Variants in WBP4 observed in about 807,000 individuals in gnomAD.
The protein encoded by WBP4 is WW domain-binding protein 4.
A neutral mutation model predicts 55.4 loss-of-function variants in WBP4; 37 were observed. That is an observed-to-expected ratio of 0.67 (90% CI 0.51 to 0.88). The LOEUF (loss-of-function observed/expected upper bound fraction) is 0.88. Ranked by LOEUF, WBP4 falls within the 40% of genes least tolerant of loss-of-function variation. The probability of loss-of-function intolerance (pLI) is 0.00; values close to 1 mark genes in which losing one functional copy is unlikely to be tolerated. For synonymous variants in WBP4, 142 were observed against 140.2 expected (o/e 1.01, Z -0.09); for missense variants, 398 against 420.8 (o/e 0.95, Z 0.47).
chr13:41,070,881 A>G (rs949588436), intron 5 of WBP4, among the ~76,000 whole-genome samples: 7 of 152,300 alleles, frequency 4.6e-5, no homozygotes, highest in Admixed American at 2.0e-4. Flanking sequence ...TGTAATGACT[A>G]TTATCATTAG....
intron 8 of WBP4, 148 bp downstream of exon 8, chr13:41,076,385 TCTC>T: frequency 1.6e-6 from 1 of 634,634 alleles, no homozygotes; most frequent in Non-Finnish European, 2.5e-6. Context: ...TTCAAGCAAT[TCTC>T]CTGCCTCAGC....
intron 1 of WBP4, 32 bp downstream of exon 1, chr13:41,061,707 G>A (rs749715471): frequency 1.2e-6 from 2 of 1,613,840 alleles, no homozygotes; most frequent in Non-Finnish European, 8.5e-7. Flanking sequence ...GAACAACGAG[G>A]TGTTGTTTCT....
intron 4 of WBP4, among the ~76,000 whole-genome samples, chr13:41,067,787 C>T (rs1314006185): frequency 6.6e-6 from 1 of 151,978 alleles, no homozygotes; most frequent in African/African-American, 2.4e-5. Flanking sequence ...AACCCTTTGC[C>T]ATATTTATTG....
chr13:41,078,348 A>G (rs1822700067), intron 8 of WBP4, among the ~76,000 whole-genome samples: 2 of 152,172 alleles, frequency 1.3e-5, no homozygotes, highest in Admixed American at 6.5e-5. Context: ...CATACCTACA[A>G]CCAACTGATC....
At chr13:41,069,750 T>C (rs1878148488) in intron 5 of WBP4, among the ~76,000 whole-genome samples, 1 of 147,388 alleles carries the variant, frequency 6.8e-6, no homozygotes, top group East Asian at 2.0e-4. Context: ...AGGTGGCTCA[T>C]GCCTGTAATC....
At position 41,070,524 on chromosome 13, in the gene WBP4, C is replaced by T. The variant is rs535995880; in HGVS notation, c.440-1003C>T. ...AATGATGGTGCCATTTACTTAGATACGAGATAAGGAACTGAAAATAAGTTT... is the reference window on the plus strand; with the variant it reads ...AATGATGGTGCCATTTACTTAGATATGAGATAAGGAACTGAAAATAAGTTT... On this transcript the variant is annotated intron_variant, in intron 5 of 9. Coordinates refer to ENST00000379487, the MANE Select transcript of WBP4 (RefSeq NM_007187.5). Among the ~76,000 whole-genome samples the T allele has an allele frequency of 3.4e-4, 52 of 151,406 alleles. No homozygotes were observed. The South Asian group carries it at 9.0e-3, about 26-fold the overall frequency.
rs879174051 is a variant in WBP4, at chr13:41,076,268, AATTT to A, written c.756+32_756+35del. The A allele has an allele frequency of 3.1e-4, 406 of 1,320,834 alleles. No homozygotes were observed. In the East Asian group the frequency reaches 6.3e-3, roughly 21 times the overall value. The allele number at this position is 1,320,834 out of a possible 1,614,324, so 81.8% of individuals were successfully genotyped here. On this transcript the variant is annotated intron_variant, in intron 8 of 9. Transcript: ENST00000379487. ...TTTTTAAATTTTACTCTTCACATCA[AATTT>A]TTTTTTTTTTTTTTTTTTTTTTTTT...
chr13:41,071,940 A>T lies in WBP4; in HGVS notation c.486+367A>T, dbSNP rs1235261726. 3.3e-5 allele frequency among the ~76,000 whole-genome samples: 5 copies of T among 150,094 alleles called. No individual in the cohort carries two copies. In the East Asian group the frequency reaches 9.8e-4, roughly 29 times the overall value. On this transcript the variant is annotated intron_variant, in intron 6 of 9. Coordinates refer to ENST00000379487, the MANE Select transcript of WBP4 (RefSeq NM_007187.5). ...TTGCCTGTAATCCCAGCTACTCAGG[A>T]GGCTGAGTCAGGGGAATCACTGGGA...
At position 41,065,251 on chromosome 13, in the gene WBP4, T is replaced by C. The variant is rs1311329708; in HGVS notation, c.226T>C (p.Tyr76His). The change falls in exon 4 of 10, where the codon TAC (tyrosine) becomes CAC (histidine). Residue 76 changes from tyrosine to histidine, a missense_variant. By Grantham distance (83) the Tyr-to-His change is moderately conservative (BLOSUM62 2). Transcript: ENST00000379487. ...AATGGAGGCAGCTGCCCTGAAAGCATACCAAGAGGATTTGAAAAGACTTGG... is the reference window on the plus strand; with the variant it reads ...AATGGAGGCAGCTGCCCTGAAAGCACACCAAGAGGATTTGAAAAGACTTGG... ...AAMEAAALKA[Y>H]QEDLKRLGLE... is the part of the protein sequence containing the mutation. 6.5e-7 allele frequency: 1 copy of C among 1,541,192 alleles called. No homozygotes were observed. Among genetic ancestry groups the C allele is most frequent in the Admixed American group, 1.9e-5 (1 of 53,290 alleles).
rs567307462 is a variant in WBP4, at chr13:41,083,303, G to A, written c.*389G>A. On this transcript the variant is annotated 3_prime_UTR_variant, in exon 10 of 10. Transcript: ENST00000379487. ...ATATTAACTGTTGTCCAACAAATAA[G>A]TATCGGAGTACGTGAGAATATTCCC... 1.7e-5 allele frequency: 3 copies of A among 174,108 alleles called. No individual in the cohort carries two copies. The highest frequency in any genetic ancestry group is 3.7e-5 in the Non-Finnish European group (3 of 80,768). The allele number at this position is 174,108 out of a possible 1,614,324, so 10.8% of individuals were successfully genotyped here.
chr13:41,068,992 C>T (rs1878110736), intron 5 of WBP4, among the ~76,000 whole-genome samples: 2 of 152,214 alleles, frequency 1.3e-5, no homozygotes, highest in African/African-American at 4.8e-5. Flanking sequence ...TATATTTTCT[C>T]AATAGAAACT....
At chr13:41,080,325 G>A (rs1878713544) in intron 8 of WBP4, among the ~76,000 whole-genome samples, 2 of 152,138 alleles carry the variant, frequency 1.3e-5, no homozygotes, top group African/African-American at 4.8e-5. Flanking sequence ...AATTATAAAG[G>A]GAGTCACTGT....
At position 41,069,291 on chromosome 13, in the gene WBP4, GC is replaced by G. The variant is rs1408130188; in HGVS notation, c.439+556del. On this transcript the variant is annotated intron_variant, in intron 5 of 9. Coordinates refer to ENST00000379487, the MANE Select transcript of WBP4 (RefSeq NM_007187.5). ...CCTGTAATCCTAGCACTTTTGAGGG[GC>G]CGAGGAGGGTAGATCACTTGAGGTC... is the stretch of plus-strand genomic sequence containing the variant. Among the ~76,000 whole-genome samples the G allele has an allele frequency of 2.0e-5, 3 of 151,842 alleles. No individual in the cohort carries two copies. The East Asian group carries it at 5.8e-4, about 29-fold the overall frequency.
At chr13:41,069,728 A>G (rs1484620383) in intron 5 of WBP4, among the ~76,000 whole-genome samples, 1 of 129,282 alleles carries the variant, frequency 7.7e-6, no homozygotes, top group Non-Finnish European at 1.7e-5. Context: ...AAAAAAAAAA[A>G]GTAGCCAAGC....
At chr13:41,076,338 G>A (rs1273788432) in intron 8 of WBP4, 101 bp downstream of exon 8, 3 of 949,586 alleles carry the variant, frequency 3.2e-6, no homozygotes, top group Non-Finnish European at 4.4e-6. Context: ...GAGTACAGTG[G>A]CACTGTCTTG....
chr13:41,070,469 G>A (rs976326312), intron 5 of WBP4, among the ~76,000 whole-genome samples: 2 of 151,970 alleles, frequency 1.3e-5, no homozygotes, highest in African/African-American at 4.8e-5. Context: ...CTGGAAGGTA[G>A]ATTGGAGCCA....
chr13:41,068,517 ATAG>A (rs780101086), intron 4 of WBP4, 41 bp from the exon 5 acceptor site: 3 of 1,469,288 alleles, frequency 2.0e-6, no homozygotes, highest in Admixed American at 4.8e-5. Context: ...ACCATAAAAA[ATAG>A]TAGTTACTAT....
In WBP4 at chr13:41,064,403, C is replaced by T. The variant is rs186482867; in HGVS notation, c.76-613C>T. ...GCAGGTATATCTATAGAATAAATTA[C>T]CAGAAATGAAATTGCTGTGTCAAAG... On this transcript the variant is annotated intron_variant, in intron 2 of 9. Coordinates refer to ENST00000379487, the MANE Select transcript of WBP4 (RefSeq NM_007187.5). Among the ~76,000 whole-genome samples the T allele has an allele frequency of 5.9e-5, 9 of 152,098 alleles. No individual in the cohort carries two copies. The East Asian group carries it at 1.2e-3, about 20-fold the overall frequency.
chr13:41,072,357 T>TA (rs1878287619), intron 6 of WBP4, among the ~76,000 whole-genome samples: 1 of 152,214 alleles, frequency 6.6e-6, no homozygotes, highest in African/African-American at 2.4e-5. Flanking sequence ...GACTCACAGT[T>TA]ATGCAGGCTG....
Sources: gnomAD v4.1 joint callset for allele counts (sites outside exome capture counted in the v4.1 genomes callset) on GRCh38, gnomAD v4.1.1 for gene constraint, MANE v1.5 for transcripts, NCBI Gene and HGNC (gene_info 2026-07-23, HGNC 2026-07-21) for gene names.